F5: variants seen among roughly 807,000 people sequenced by gnomAD.
F5 encodes the protein coagulation factor V, also known as activated protein c cofactor.
A neutral mutation model predicts 216.4 loss-of-function variants in F5; 138 were observed. The observed-to-expected ratio is 0.64, with a 90% CI of 0.56 to 0.73. The LOEUF (loss-of-function observed/expected upper bound fraction) is 0.73. Ranked by LOEUF, F5 falls within the 30% of genes least tolerant of loss-of-function variation. F5 has a pLI of 0.00. For missense variants in F5, 2,403 were observed against 2,674.0 expected (o/e 0.90, Z 2.24); for synonymous variants, 916 against 930.7 (o/e 0.98, Z 0.29).
intron 19 of F5, among the ~76,000 whole-genome samples, chr1:169,524,391 A>G (rs112443196): frequency 2.0e-5 from 3 of 152,332 alleles, no homozygotes; most frequent in South Asian, 2.1e-4. Flanking sequence ...TGCCTGGCTG[A>G]TAAGACCCTG....
At chr1:169,543,378 C>T (rs955268954) in intron 12 of F5, among the ~76,000 whole-genome samples, 1 of 152,048 alleles carries the variant, frequency 6.6e-6, no homozygotes, top group Non-Finnish European at 1.5e-5. Context: ...ATGACCAGTG[C>T]GTTCATCTCG....
In F5 at chr1:169,530,976, T is replaced by C. The variant is rs1233341681; in HGVS notation, c.5018A>G (p.His1673Arg). The C allele has an allele frequency of 1.2e-6, 2 of 1,613,790 alleles. No individual in the cohort carries two copies. The highest frequency in any genetic ancestry group is 1.1e-5 in the South Asian group (1 of 91,088). The part of the protein sequence containing the change: ...LASRPYSLHA[H>R]GLSYEKSSEG... Reference sequence around the variant, plus strand: ...TGATGATTTTTCATAGGAAAGTCCATGGGCATGTAGAGAATACGGTCTGGA... The same window carrying C: ...TGATGATTTTTCATAGGAAAGTCCACGGGCATGTAGAGAATACGGTCTGGA... Residue 1673 changes from histidine (H) to arginine (R), a missense_variant, in exon 15 of 25, where the codon CAT (histidine) becomes CGT (arginine). His to Arg is a conservative substitution (Grantham distance 29, BLOSUM62 0). This residue lies in a region of F5 where 659 missense variants were observed against 787.9 expected (regional missense o/e 0.84). Coordinates refer to ENST00000367797, the MANE Select transcript of F5 (RefSeq NM_000130.5).
chr1:169,543,933 T>C (rs1234344107), intron 12 of F5, among the ~76,000 whole-genome samples: 1 of 152,240 alleles, frequency 6.6e-6, no homozygotes, highest in African/African-American at 2.4e-5. Flanking sequence ...TAAGGCACTG[T>C]ACCTGATGAT....
intron 16 of F5, 47 bp downstream of exon 16, chr1:169,529,561 C>T: frequency 6.7e-7 from 1 of 1,495,982 alleles, no homozygotes; most frequent in South Asian, 1.1e-5. Context: ...TCACTGTGAC[C>T]CAGTGTGATT....
chr1:169,577,792 G>A (rs1020933593), intron 2 of F5, among the ~76,000 whole-genome samples: 1 of 151,394 alleles, frequency 6.6e-6, no homozygotes, highest in African/African-American at 2.4e-5. Context: ...GACCCCAGCT[G>A]TACTCCCTCA....
At position 169,577,171 on chromosome 1, in the gene F5, G is replaced by A. The variant is rs113758742; in HGVS notation, c.251-4828C>T. 3.7e-3 allele frequency among the ~76,000 whole-genome samples: 564 copies of A among 152,158 alleles called. 2 individuals carry two copies. Among genetic ancestry groups the A allele is most frequent in the African/African-American group, 0.012 (492 of 41,508 alleles). ...TTCAGGGCTTGGGGAAGCCAGCACA[G>A]CATGTACCCAATTTAGTGCAGTTGT... On this transcript the variant is annotated intron_variant, in intron 2 of 24. Coordinates refer to ENST00000367797, the MANE Select transcript of F5 (RefSeq NM_000130.5).
At chr1:169,586,011 T>C (rs771599530) in intron 1 of F5, among the ~76,000 whole-genome samples, 9 of 152,044 alleles carry the variant, frequency 5.9e-5, no homozygotes, top group African/African-American at 9.7e-5. Context: ...ACCAATCAAA[T>C]AGGGTGCTTT....
At position 169,540,949 on chromosome 1, in the gene F5, G is replaced by A. The variant is rs1557914685; in HGVS notation, c.4141C>T (p.Gln1381Ter). 6.2e-7 allele frequency: 1 copy of A among 1,611,612 alleles called. No individual in the cohort carries two copies. The highest frequency in any genetic ancestry group is 8.5e-7 in the Non-Finnish European group (1 of 1,178,300). ...CTGAGGTCTGGGGAAAGGTTTGTCT[G>A]ACTGAGTTCTGGAGAGAGGTTTGTC... Reference protein sequence around the residue: ...SQTNLSPELSQTNLSPDLSEM... With the variant: ...SQTNLSPELS The change falls in exon 13 of 25, where the codon CAG becomes TAG. Residue 1381 changes from glutamine to a stop codon, truncating the protein, a stop_gained. Coordinates refer to ENST00000367797, the MANE Select transcript of F5 (RefSeq NM_000130.5). LOFTEE classifies it high-confidence loss of function.
rs946421075 is a variant in F5 at position 169,549,813 on chromosome 1, C to T, written c.1599G>A (p.Arg533=). The T allele has an allele frequency of 5.0e-6, 8 of 1,613,524 alleles. No homozygotes were observed. The African/African-American group carries it at 5.3e-5, about 11-fold the overall frequency. Reference sequence around the variant, plus strand: ...AAGGACAAAATACCTGTATTCCTCGCCTGTCCAGGGATCTGCTCTTACAGA... The same window carrying T: ...AAGGACAAAATACCTGTATTCCTCGTCTGTCCAGGGATCTGCTCTTACAGA... ...LLICKSRSLD[R]RGIQRAADIE... Residue 533 remains arginine, a synonymous_variant, in exon 10 of 25, where the codon AGG becomes AGA. Transcript: ENST00000367797.
chr1:169,555,648 TAA>T (rs1388408868), intron 6 of F5, among the ~76,000 whole-genome samples: 12 of 149,348 alleles, frequency 8.0e-5, no homozygotes, highest in Admixed American at 5.3e-4. Context: ...CCTTATGAAT[TAA>T]GTCTTGTTAA....
At chr1:169,537,479 T>C (rs1659732826) in intron 13 of F5, among the ~76,000 whole-genome samples, 1 of 152,076 alleles carries the variant, frequency 6.6e-6, no homozygotes, top group Non-Finnish European at 1.5e-5. Flanking sequence ...AAAGCAGAAA[T>C]AGACAAATGG....
At chr1:169,574,196 C>T (rs528319267) in intron 2 of F5, among the ~76,000 whole-genome samples, 1 of 152,204 alleles carries the variant, frequency 6.6e-6, no homozygotes, top group African/African-American at 2.4e-5. Context: ...AGTCCTGGAA[C>T]CAATACCCTG....
Position 169,550,756 on chromosome 1 carries a change from A to C in F5, c.1297-17T>G. On this transcript the variant is annotated splice_polypyrimidine_tract_variant and intron_variant, in intron 8 of 24. Transcript: ENST00000367797. ...GAACACGATCTACAAAGTTAAATCA[A>C]ATTTATTCTAGGATTTAAGGTTGAT... The C allele has an allele frequency of 6.4e-7, 1 of 1,554,608 alleles. No homozygotes were observed. Among genetic ancestry groups the C allele is most frequent in the Admixed American group, 1.7e-5 (1 of 59,952 alleles).
intron 3 of F5, 93 bp from the exon 4 acceptor site, chr1:169,560,859 C>G (rs1482153222): frequency 1.9e-6 from 2 of 1,052,356 alleles, no homozygotes; most frequent in Non-Finnish European, 2.9e-6. Flanking sequence ...GATGAGTTCT[C>G]TGGAGATGCA....
rs1659080150 is a variant in F5 at position 169,513,436 on chromosome 1, G to C, written c.*877C>G. Among the ~76,000 whole-genome samples the C allele has an allele frequency of 6.6e-6, 1 of 152,098 alleles. No individual in the cohort carries two copies. Among genetic ancestry groups the C allele is most frequent in the Admixed American group, 6.6e-5 (1 of 15,234 alleles). Reference sequence around the variant, plus strand: ...GAAAGGGGAAGTTGCTGGAAGAAGAGAGAGGAGGAAGTTGAGGCCATAGAG... The same window carrying C: ...GAAAGGGGAAGTTGCTGGAAGAAGACAGAGGAGGAAGTTGAGGCCATAGAG... On this transcript the variant is annotated 3_prime_UTR_variant, in exon 25 of 25. Transcript: ENST00000367797.
At chr1:169,515,739 T>C in intron 23 of F5, 113 bp from the exon 24 acceptor site, 1 of 1,034,880 alleles carries the variant, frequency 9.7e-7, no homozygotes, top group Non-Finnish European at 1.5e-6. Flanking sequence ...TTCTATCTTA[T>C]CCCTTAGGAT....
At position 169,523,837 on chromosome 1, in the gene F5, T is replaced by C; in HGVS notation, c.5856A>G (p.Lys1952=). Residue 1952 remains lysine (K), a synonymous_variant, in exon 20 of 25, where the codon AAA becomes AAG. Coordinates refer to ENST00000367797, the MANE Select transcript of F5 (RefSeq NM_000130.5). ...GGSYNAWSVE[K]LAAEFASKPW... Reference sequence around the variant, plus strand: ...GTTTAGAGGCAAATTCTGCTGCAAGTTTTTCTACACTCCAAGCATTATAAG... The same window carrying C: ...GTTTAGAGGCAAATTCTGCTGCAAGCTTTTCTACACTCCAAGCATTATAAG... 1 of 1,613,870 alleles carries C rather than the reference T, an allele frequency of 6.2e-7. No individual in the cohort carries two copies. Among genetic ancestry groups the C allele is most frequent in the East Asian group, 2.2e-5 (1 of 44,870 alleles).
chr1:169,553,867 G>A (rs1378683632), intron 7 of F5, among the ~76,000 whole-genome samples: 1 of 152,222 alleles, frequency 6.6e-6, no homozygotes, highest in Non-Finnish European at 1.5e-5. Context: ...AATTAATTCA[G>A]CCATTGTGGA....
chr1:169,578,270 A>G (rs1205602676), intron 2 of F5, among the ~76,000 whole-genome samples: 1 of 152,218 alleles, frequency 6.6e-6, no homozygotes, highest in Non-Finnish European at 1.5e-5. Context: ...TGAGATACAC[A>G]GGGGTTGACA....
Sources: gnomAD v4.1 joint callset for allele counts (sites outside exome capture counted in the v4.1 genomes callset) on GRCh38, gnomAD v4.1.1 for gene constraint, gnomAD v4.1.1 regional missense constraint, MANE v1.5 for transcripts, NCBI Gene and HGNC (gene_info 2026-07-23, HGNC 2026-07-21) for gene names.